The following ARMC9 variants were observed in gnomAD, a reference collection of about 807,000 sequenced individuals.
ARMC9 encodes the protein lisH domain-containing protein ARMC9.
ARMC9 carries 94 observed loss-of-function variants against 107.0 expected under a neutral mutation model. That is an observed-to-expected ratio of 0.88 (90% CI 0.74 to 1.04). The LOEUF is 1.04. Among genes scored for constraint, ARMC9 ranks in the 50% least tolerant of loss-of-function variants. ARMC9 has a pLI of 0.00. For synonymous variants in ARMC9, 380 were observed against 396.9 expected, an observed-to-expected ratio of 0.96 and a Z score of 0.51; for missense variants, 942 against 1,030.1, an observed-to-expected ratio of 0.91 and a Z score of 1.17.
rs767945191 is a variant in ARMC9, at chr2:231,256,582, C to G, written c.880-4C>G. The G allele has an allele frequency of 1.5e-5, 24 of 1,613,906 alleles. No homozygotes were observed. In the Admixed American group the frequency reaches 3.5e-4, roughly 24 times the overall value. On this transcript the variant is annotated splice_polypyrimidine_tract_variant and splice_region_variant and intron_variant, in intron 9 of 24. Transcript: ENST00000611582. ...TCTGTTTTCTTCTGTCCTCTTCCCC[C>G]CAGGCATCCACCATGTTACGAGCCT...
intron 11 of ARMC9, among the ~76,000 whole-genome samples, chr2:231,260,570 C>T (rs918536131): frequency 2.0e-5 from 3 of 152,102 alleles, no homozygotes; most frequent in Non-Finnish European, 4.4e-5. Context: ...CTTGAGGACT[C>T]GGACGACGTA....
intron 8 of ARMC9, among the ~76,000 whole-genome samples, chr2:231,235,711 C>T (rs1199667595): frequency 6.6e-6 from 1 of 152,110 alleles, no homozygotes; most frequent in African/African-American, 2.4e-5. Context: ...GGCGTGATCT[C>T]GGCTCACTGC....
chr2:231,245,908 C>G (rs1465938338), intron 9 of ARMC9, among the ~76,000 whole-genome samples: 1 of 152,122 alleles, frequency 6.6e-6, no homozygotes, highest in Non-Finnish European at 1.5e-5. Flanking sequence ...TCCACCCACA[C>G]CAAGCCTGTT....
At chr2:231,336,971 C>G (rs1421246516) in intron 20 of ARMC9, among the ~76,000 whole-genome samples, 1 of 152,176 alleles carries the variant, frequency 6.6e-6, no homozygotes, top group Non-Finnish European at 1.5e-5. Context: ...GCCCTGGGAT[C>G]CTGCTGTACC....
chr2:231,232,674 C>T (rs2035344290), intron 7 of ARMC9, among the ~76,000 whole-genome samples: 1 of 151,648 alleles, frequency 6.6e-6, no homozygotes, highest in Non-Finnish European at 1.5e-5. Context: ...TGGTCTTGAA[C>T]TGCTGACCTC....
intron 16 of ARMC9, among the ~76,000 whole-genome samples, chr2:231,279,152 C>G (rs970678594): frequency 2.0e-5 from 3 of 152,212 alleles, no homozygotes; most frequent in African/African-American, 7.2e-5. Context: ...TTTCAGGTCA[C>G]TGAGTCCTGC....
intron 10 of ARMC9, among the ~76,000 whole-genome samples, chr2:231,258,603 T>C (rs2038056542): frequency 6.6e-6 from 1 of 152,194 alleles, no homozygotes; most frequent in South Asian, 2.1e-4. Flanking sequence ...GGCCTGCTGA[T>C]GCTAATTTTC....
chr2:231,258,336 T>C (rs938754965), intron 10 of ARMC9, among the ~76,000 whole-genome samples: 9 of 152,050 alleles, frequency 5.9e-5, no homozygotes, highest in African/African-American at 2.2e-4. Flanking sequence ...CGCGTGTCAC[T>C]ATGCCCGGCT....
chr2:231,342,499 C>G (rs935413204), intron 20 of ARMC9, among the ~76,000 whole-genome samples: 1 of 151,976 alleles, frequency 6.6e-6, no homozygotes, highest in African/African-American at 2.4e-5. Flanking sequence ...CGAGAAAACC[C>G]GCATGTTGAC....
chr2:231,360,637 C>T lies in ARMC9; in HGVS notation c.2132-117C>T, dbSNP rs1390329043. ...CCCAAGCCACAGGCGCCAGGGAGCC[C>T]GCAGGGCCTGGCCTGGGGTGCGTGC... On this transcript the variant is annotated intron_variant, in intron 22 of 24. Transcript: ENST00000611582. This position sits in a 1 kb window ranked among gnomAD's most constrained non-coding sequence, Gnocchi z 4.7. The T allele has an allele frequency of 2.0e-5, 30 of 1,486,596 alleles. No individual in the cohort carries two copies. The highest frequency in any genetic ancestry group is 8.5e-5 in the South Asian group (7 of 82,308). The allele number at this position is 1,486,596 out of a possible 1,614,324, so 92.1% of individuals were successfully genotyped here.
rs1322418026 is a variant in ARMC9 at position 231,302,433 on chromosome 2, G to GT, written c.1773+6183dup. Among the ~76,000 whole-genome samples, 292 of 96,362 alleles carry GT rather than the reference G, an allele frequency of 3.0e-3. 5 individuals are homozygous for GT. Among genetic ancestry groups the GT allele is most frequent in the South Asian group, 5.6e-3 (14 of 2,516 alleles). The allele number at this position is 96,362 out of a possible 152,430, so 63.2% of individuals were successfully genotyped here. A position where few individuals can be genotyped will look rare whatever the true frequency, so the allele number is the denominator to read the frequency against. On this transcript the variant is annotated intron_variant, in intron 19 of 24. Transcript: ENST00000611582. Reference sequence around the variant, plus strand: ...TTTATGAAAAAGTGTAGCATTGTGGGTTTGTTTTTTTTTTTTTTTTTTTTT... The same window carrying GT: ...TTTATGAAAAAGTGTAGCATTGTGGGTTTTGTTTTTTTTTTTTTTTTTTTTT...
chr2:231,250,379 C>T (rs1359756595), intron 9 of ARMC9, among the ~76,000 whole-genome samples: 2 of 152,186 alleles, frequency 1.3e-5, no homozygotes, highest in South Asian at 2.1e-4. Context: ...GCACTACTCC[C>T]GCTATTAACA....
At chr2:231,246,192 C>G (rs770499902) in intron 9 of ARMC9, among the ~76,000 whole-genome samples, 2 of 152,126 alleles carry the variant, frequency 1.3e-5, no homozygotes, top group South Asian at 4.1e-4. Flanking sequence ...AAATAAAAGT[C>G]AAAACACTTT....
intron 12 of ARMC9, among the ~76,000 whole-genome samples, chr2:231,262,724 A>G (rs561901076): frequency 6.6e-6 from 1 of 152,314 alleles, no homozygotes; most frequent in East Asian, 1.9e-4. Flanking sequence ...GTAGGTAAGC[A>G]AATTCAGGTT....
intron 19 of ARMC9, among the ~76,000 whole-genome samples, chr2:231,302,319 TTAAA>T (rs2125495436): frequency 1.3e-5 from 2 of 151,620 alleles, no homozygotes; most frequent in South Asian, 4.2e-4. Flanking sequence ...TATTAAAATA[TTAAA>T]TAACTTAAAA....
chr2:231,239,985 A>T lies in ARMC9; in HGVS notation c.823A>T (p.Ser275Cys), dbSNP rs201015764. The T allele has an allele frequency of 1.2e-6, 2 of 1,614,034 alleles. No individual in the cohort carries two copies. Among genetic ancestry groups the T allele is most frequent in the Admixed American group, 3.3e-5 (2 of 60,006 alleles). Residue 275 changes from serine to cysteine, a missense_variant, in exon 9 of 25, where the codon AGT becomes TGT. Physicochemically the swap from Ser to Cys is moderately radical, Grantham distance 112 (BLOSUM62 -1). Coordinates refer to ENST00000611582, the MANE Select transcript of ARMC9 (RefSeq NM_001352754.2). ...CCAGAGCGTCTGTGTCCGCCTGTTC[A>T]GTAACCAGATGCGGCAGAGCCTGGC... ...YLQSVCVRLF[S>C]NQMRQSLAHS...
chr2:231,261,003 C>T (rs528692110), intron 11 of ARMC9, among the ~76,000 whole-genome samples: 118 of 152,292 alleles, frequency 7.7e-4, no homozygotes, highest in African/African-American at 2.7e-3. Context: ...TGGCCATGGT[C>T]ATCACATCTG....
intron 19 of ARMC9, among the ~76,000 whole-genome samples, chr2:231,314,066 CTT>C (rs1302812868): frequency 9.1e-5 from 12 of 131,482 alleles, no homozygotes; most frequent in Admixed American, 1.6e-4. Flanking sequence ...GCCATCTTTT[CTT>C]TTTTTTTTTT....
At chr2:231,230,056 C>A (rs1216821809) in intron 7 of ARMC9, among the ~76,000 whole-genome samples, 1 of 152,060 alleles carries the variant, frequency 6.6e-6, no homozygotes, top group Non-Finnish European at 1.5e-5. Context: ...AATAAGACAT[C>A]TCCATTAAAA....
Sources: allele counts gnomAD v4.1 joint callset (sites outside exome capture counted in the v4.1 genomes callset), GRCh38; gene constraint gnomAD v4.1.1; non-coding constraint Gnocchi (gnomAD v3.1); transcripts MANE v1.5; gene names NCBI Gene and HGNC (gene_info 2026-07-23, HGNC 2026-07-21).